ST3GAL2: variants seen among roughly 807,000 people sequenced by gnomAD.
ST3GAL2 encodes ST3 beta-galactoside alpha-2,3-sialyltransferase 2, also known as CMP-N-acetylneuraminate-beta-galactosamide-alpha-2,3-sialyltransferase 2.
A neutral mutation model predicts 37.5 loss-of-function variants in ST3GAL2; 16 were observed. That is an observed-to-expected ratio of 0.43 (90% CI 0.29 to 0.65). ST3GAL2 has a LOEUF of 0.65. Among genes scored for constraint, ST3GAL2 ranks in the 30% least tolerant of loss-of-function variants. The probability of loss-of-function intolerance (pLI) is 0.17; values close to 1 mark genes in which losing one functional copy is unlikely to be tolerated. For missense variants in ST3GAL2, 383 were observed against 487.8 expected (o/e 0.79, Z 2.02); for synonymous variants, 238 against 202.9 (o/e 1.17, Z -1.47).
At position 70,403,597 on chromosome 16, in the gene ST3GAL2, A is replaced by G. The variant is rs936085319; in HGVS notation, c.-1003-4064T>C. ...GGGAGGCCGAGGCGGGCGGATCATG[A>G]GGTCGGGAGATTGAGACCTTCCTGG... On this transcript the variant is annotated intron_variant, in intron 1 of 6. Coordinates refer to ENST00000342907, the MANE Select transcript of ST3GAL2 (RefSeq NM_006927.4). Among the ~76,000 whole-genome samples, 14 of 152,336 alleles carry G rather than the reference A, an allele frequency of 9.2e-5. No individual in the cohort carries two copies. In the East Asian group the frequency reaches 1.9e-3, roughly 21 times the overall value.
At chr16:70,419,341 G>A (rs2047698048) in intron 1 of ST3GAL2, among the ~76,000 whole-genome samples, 1 of 152,206 alleles carries the variant, frequency 6.6e-6, no homozygotes, top group South Asian at 2.1e-4. Flanking sequence ...ATCCTGTTAG[G>A]GATGTGAGAA....
intron 4 of ST3GAL2, among the ~76,000 whole-genome samples, chr16:70,385,264 C>G (rs1422130876): frequency 6.6e-6 from 1 of 152,088 alleles, no homozygotes; most frequent in African/African-American, 2.4e-5. Context: ...CCATTGCACT[C>G]CAGCCTGGGT....
chr16:70,430,959 G>C (rs2047785736), intron 1 of ST3GAL2, among the ~76,000 whole-genome samples: 1 of 152,152 alleles, frequency 6.6e-6, no homozygotes, highest in African/African-American at 2.4e-5. Flanking sequence ...AATCGCTGGT[G>C]CTTTGTGTTT....
chr16:70,432,857 G>C (rs190211130), intron 1 of ST3GAL2, among the ~76,000 whole-genome samples: 1 of 152,344 alleles, frequency 6.6e-6, no homozygotes, highest in Admixed American at 6.5e-5. Flanking sequence ...GAAGGGGAAG[G>C]AGGAGAAGCC....
intron 1 of ST3GAL2, chr16:70,422,814 C>T (rs528975930): frequency 6.6e-6 from 1 of 152,386 alleles, no homozygotes; most frequent in South Asian, 2.1e-4. Flanking sequence ...AAGCCCAAAG[C>T]ACGCTGCTAA....
intron 1 of ST3GAL2, among the ~76,000 whole-genome samples, chr16:70,428,037 G>A (rs57804197): frequency 0.062 from 9,440 of 152,234 alleles, 377 homozygotes; most frequent in South Asian, 0.13. Flanking sequence ...CTCCCCAAAG[G>A]CCCCAGGTCT....
chr16:70,388,593 G>A lies in ST3GAL2; in HGVS notation c.534-47C>T, dbSNP rs750579397. 2.6e-6 allele frequency: 4 copies of A among 1,524,978 alleles called. No individual in the cohort carries two copies. The South Asian group carries it at 5.2e-5, about 20-fold the overall frequency. The allele number at this position is 1,524,978 out of a possible 1,614,324, so 94.5% of individuals were successfully genotyped here. ...ATGAGAATCAACTGCCATGGAAACT[G>A]ATACAAGATTCTTAGAGGACAGTTC... On this transcript the variant is annotated intron_variant, in intron 3 of 6. Transcript: ENST00000342907.
In ST3GAL2 at chr16:70,403,995, G is replaced by GA. The variant is rs529839547; in HGVS notation, c.-1003-4463dup. ...GGGTGACAGAGTGATACCACAACTC[G>GA]AAAAAAAAAAGAAAGTTTTTTAGAC... On this transcript the variant is annotated intron_variant, in intron 1 of 6. Transcript: ENST00000342907. Among the ~76,000 whole-genome samples the GA allele has an allele frequency of 8.2e-5, 12 of 146,420 alleles. No homozygotes were observed. In the South Asian group the frequency reaches 1.1e-3, roughly 13 times the overall value.
chr16:70,410,073 CTTCTT>C (rs2047625943), intron 1 of ST3GAL2, among the ~76,000 whole-genome samples: 1 of 151,494 alleles, frequency 6.6e-6, no homozygotes, highest in South Asian at 2.1e-4. Flanking sequence ...AGTCCTCAGA[CTTCTT>C]TGCTTTTTAT....
intron 1 of ST3GAL2, among the ~76,000 whole-genome samples, chr16:70,407,004 C>T (rs139914696): frequency 2.6e-5 from 4 of 152,222 alleles, no homozygotes; most frequent in Admixed American, 6.5e-5. Context: ...GTGGCAAAGC[C>T]GAGCAAGCGG....
chr16:70,398,830 G>T lies in ST3GAL2; in HGVS notation c.-300C>A. On this transcript the variant is annotated 5_prime_UTR_variant, in exon 2 of 7. Transcript: ENST00000342907. ...CTGCCTCTCCTGCCACCCTGGTGAG[G>T]GGGAGGTCAGTCCATTGCAGCCCTC... is the stretch of plus-strand genomic sequence containing the variant. 1.8e-6 allele frequency: 1 copy of T among 563,690 alleles called. No individual in the cohort carries two copies. Among genetic ancestry groups the T allele is most frequent in the South Asian group, 2.5e-5 (1 of 40,038 alleles). The allele number at this position is 563,690 out of a possible 1,614,324, so 34.9% of individuals were successfully genotyped here. A position where few individuals can be genotyped will look rare whatever the true frequency, so the allele number is the denominator to read the frequency against.
intron 1 of ST3GAL2, among the ~76,000 whole-genome samples, chr16:70,420,989 T>C (rs577152036): frequency 5.9e-5 from 9 of 152,194 alleles, no homozygotes; most frequent in Non-Finnish European, 1.0e-4. Context: ...AGAGAGGTCA[T>C]TGTGAGCCCA....
At chr16:70,409,401 T>C (rs2047620137) in intron 1 of ST3GAL2, among the ~76,000 whole-genome samples, 1 of 151,172 alleles carries the variant, frequency 6.6e-6, no homozygotes, top group Non-Finnish European at 1.5e-5. Flanking sequence ...TGGAGTACAA[T>C]GGCGTGATCT....
chr16:70,390,557 G>A (rs1316413396), intron 3 of ST3GAL2, among the ~76,000 whole-genome samples: 6 of 152,248 alleles, frequency 3.9e-5, no homozygotes, highest in Non-Finnish European at 2.9e-5. Context: ...ATTCCTGTCT[G>A]CCGCTTTAAG....
At chr16:70,396,737 C>T (rs188628677) in intron 2 of ST3GAL2, among the ~76,000 whole-genome samples, 14 of 152,302 alleles carry the variant, frequency 9.2e-5, no homozygotes, top group African/African-American at 3.1e-4. Flanking sequence ...GAGCTCATCC[C>T]TTGCAGCTTG....
At chr16:70,407,820 A>G (rs2047602940) in intron 1 of ST3GAL2, among the ~76,000 whole-genome samples, 1 of 152,252 alleles carries the variant, frequency 6.6e-6, no homozygotes, top group Non-Finnish European at 1.5e-5. Context: ...GTCAGATCCC[A>G]GGAGACAGCC....
chr16:70,422,845 T>C (rs2047724542), intron 1 of ST3GAL2: 1 of 152,240 alleles, frequency 6.6e-6, no homozygotes, highest in South Asian at 2.1e-4. Context: ...CAACACTCCA[T>C]TCCTGGCTTT....
At chr16:70,384,011 C>T (rs1048877521) in intron 4 of ST3GAL2, among the ~76,000 whole-genome samples, 2 of 152,080 alleles carry the variant, frequency 1.3e-5, no homozygotes, top group African/African-American at 4.8e-5. Flanking sequence ...TCCCAGACCA[C>T]ACCTCCCTGT....
chr16:70,404,649 A>C (rs560263749), intron 1 of ST3GAL2, among the ~76,000 whole-genome samples: 1 of 152,288 alleles, frequency 6.6e-6, no homozygotes, highest in East Asian at 1.9e-4. Flanking sequence ...GTTCCTCAAA[A>C]GATTAAATAT....
Sources: gnomAD v4.1 joint callset for allele counts (sites outside exome capture counted in the v4.1 genomes callset) on GRCh38, gnomAD v4.1.1 for gene constraint, MANE v1.5 for transcripts, NCBI Gene and HGNC (gene_info 2026-07-23, HGNC 2026-07-21) for gene names.